Variants in BSPRY observed in about 807,000 individuals in gnomAD.
The protein encoded by BSPRY is B-box and SPRY domain containing.
In BSPRY, 33 loss-of-function variants were observed where a neutral mutation model predicts 38.0. That is an observed-to-expected ratio of 0.87 (90% CI 0.66 to 1.16). The LOEUF (loss-of-function observed/expected upper bound fraction) is 1.16, where lower values mean the gene tolerates loss of function less well. Among genes scored for constraint, BSPRY ranks in the 50% most tolerant of loss-of-function variants. The pLI, the probability that BSPRY is intolerant of heterozygous loss-of-function variation, is 0.00. For synonymous variants in BSPRY, 224 were observed against 228.5 expected (o/e 0.98, Z 0.18); for missense variants, 523 against 533.2 (o/e 0.98, Z 0.19).
intron 1 of BSPRY, among the ~76,000 whole-genome samples, chr9:113,352,081 G>T (rs1315653830): frequency 6.6e-6 from 1 of 152,166 alleles, no homozygotes; most frequent in African/African-American, 2.4e-5. Flanking sequence ...AAAGTGTTGG[G>T]ATTACAGGTG....
Position 113,369,745 on chromosome 9 carries a change from A to AG in BSPRY, c.812_813insG (p.His271GlnfsTer29). 6.2e-7 allele frequency: 1 copy of AG among 1,614,246 alleles called. No individual in the cohort carries two copies. The highest frequency in any genetic ancestry group is 1.1e-5 in the South Asian group (1 of 91,084). ...GCAGATGGCCCGGAGCGCTTCGACC[A>AG]CTGGCCCAATGCCCTGGCTGCCACC... On this transcript the variant is annotated frameshift_variant, in exon 6 of 6. Transcript: ENST00000374183. LOFTEE classifies it high-confidence loss of function.
At chr9:113,362,328 G>T in intron 3 of BSPRY, 41 bp from the exon 4 acceptor site, 1 of 1,613,358 alleles carries the variant, frequency 6.2e-7, no homozygotes, top group Non-Finnish European at 8.5e-7. Context: ...TCCCTGCTGG[G>T]TATCTGGTGC....
intron 5 of BSPRY, 96 bp from the exon 6 acceptor site, chr9:113,369,519 AC>A: frequency 7.7e-7 from 1 of 1,297,582 alleles, no homozygotes; most frequent in Non-Finnish European, 1.1e-6. Context: ...ATATGAGGTC[AC>A]CATGCTAGTG....
At chr9:113,362,179 GTGT>G (rs1834165689) in intron 3 of BSPRY, among the ~76,000 whole-genome samples, 187 bp from the exon 4 acceptor site, 5 of 92,690 alleles carry the variant, frequency 5.4e-5, no homozygotes, top group East Asian at 3.3e-4. Flanking sequence ...TTATGGGTGT[GTGT>G]GTGTGTGTGT....
At chr9:113,366,714 C>T (rs946907170) in intron 4 of BSPRY, among the ~76,000 whole-genome samples, 1 of 152,240 alleles carries the variant, frequency 6.6e-6, no homozygotes, top group African/African-American at 2.4e-5. Context: ...GGCGGGAGCT[C>T]CTGCGTTCTG....
intron 1 of BSPRY, among the ~76,000 whole-genome samples, chr9:113,352,763 G>C (rs189630117): frequency 6.6e-6 from 1 of 152,262 alleles, no homozygotes; most frequent in East Asian, 1.9e-4. Context: ...CTGGCTAGCT[G>C]GGGGGTTGGG....
At chr9:113,361,847 G>A (rs1488415101) in intron 3 of BSPRY, among the ~76,000 whole-genome samples, 6 of 152,212 alleles carry the variant, frequency 3.9e-5, no homozygotes, top group Admixed American at 3.9e-4. Flanking sequence ...GTTTTGAGGG[G>A]AGAAGGTGGC....
In BSPRY at chr9:113,360,642, C is replaced by T; in HGVS notation, c.436C>T (p.Gln146Ter). The T allele has an allele frequency of 6.2e-7, 1 of 1,609,362 alleles. No individual in the cohort carries two copies. The highest frequency in any genetic ancestry group is 8.5e-7 in the Non-Finnish European group (1 of 1,178,878). Residue 146 changes from glutamine to a stop codon, truncating the protein, a stop_gained, in exon 3 of 6, where the codon CAG (glutamine) becomes TAG (stop). Transcript: ENST00000374183. LOFTEE classifies it high-confidence loss of function. Reference sequence around the variant, plus strand: ...GCGGGCCCACCAGAGCATCCTGACACAGCGGGTGCACTGGGCCGAGGCGCT... The same window carrying T: ...GCGGGCCCACCAGAGCATCCTGACATAGCGGGTGCACTGGGCCGAGGCGCT... ...EERAHQSILT[Q>*]RVHWAEALQK...
rs1435479717 is a variant in BSPRY, at chr9:113,357,854, A to G, written c.301-2653A>G. Among the ~76,000 whole-genome samples the G allele has an allele frequency of 1.5e-4, 19 of 125,042 alleles. No homozygotes were observed. In the Admixed American group the frequency reaches 1.6e-3, roughly 11 times the overall value. 82.0% of individuals were successfully genotyped at this position (125,042 alleles called of 152,430 possible). A position where few individuals can be genotyped will look rare whatever the true frequency, so the allele number is the denominator to read the frequency against. On this transcript the variant is annotated intron_variant, in intron 2 of 5. Transcript: ENST00000374183. Reference sequence around the variant, plus strand: ...CTCCCAAACTGCTTGGATTACCAGCATGACCCGGTACTGTGCCTGGCCTGT... The same window carrying G: ...CTCCCAAACTGCTTGGATTACCAGCGTGACCCGGTACTGTGCCTGGCCTGT...
intron 2 of BSPRY, among the ~76,000 whole-genome samples, chr9:113,356,476 C>G (rs1834060687): frequency 6.6e-6 from 1 of 151,108 alleles, no homozygotes; most frequent in Non-Finnish European, 1.5e-5. Context: ...TGCACTGCAG[C>G]CTGGGCAACA....
Position 113,370,055 on chromosome 9 carries a change from A to G in BSPRY, c.1122A>G (p.Thr374=). ...ELLFYEPASG[T]VLCAHHVSFP... Reference sequence around the variant, plus strand: ...TCTTCTATGAGCCAGCCTCCGGCACAGTGCTCTGTGCCCATCATGTGTCCT... The same window carrying G: ...TCTTCTATGAGCCAGCCTCCGGCACGGTGCTCTGTGCCCATCATGTGTCCT... The change falls in exon 6 of 6, where the codon ACA becomes ACG. Residue 374 remains threonine (T), a synonymous_variant. Transcript: ENST00000374183. The surrounding 1 kb of genome is among the most constrained non-coding windows in gnomAD (Gnocchi z 4.8). 1 of 1,614,080 alleles carries G rather than the reference A, an allele frequency of 6.2e-7. No homozygotes were observed. Among genetic ancestry groups the G allele is most frequent in the South Asian group, 1.1e-5 (1 of 91,056 alleles).
At chr9:113,356,007 A>G (rs1834051881) in intron 2 of BSPRY, among the ~76,000 whole-genome samples, 1 of 152,204 alleles carries the variant, frequency 6.6e-6, no homozygotes, top group Non-Finnish European at 1.5e-5. Flanking sequence ...TGTGCCAGAT[A>G]CTGTTGTTCA....
At chr9:113,365,084 T>C (rs1447150604) in intron 4 of BSPRY, among the ~76,000 whole-genome samples, 1 of 152,210 alleles carries the variant, frequency 6.6e-6, no homozygotes, top group African/African-American at 2.4e-5. Flanking sequence ...ATAAGTGATC[T>C]GTCTTCAGTT....
In BSPRY at chr9:113,370,870, GA is replaced by G. The variant is rs1485732991; in HGVS notation, c.*732del. ...TCTTTTTCATGACATGGCACATAGA[GA>G]AAATATTTTTTTCTAGCACACAAGA... On this transcript the variant is annotated 3_prime_UTR_variant, in exon 6 of 6. Transcript: ENST00000374183. This position sits in a 1 kb window ranked among gnomAD's most constrained non-coding sequence, Gnocchi z 4.8. 2.0e-5 allele frequency: 3 copies of G among 152,236 alleles called. No individual in the cohort carries two copies. Among genetic ancestry groups the G allele is most frequent in the African/African-American group, 7.2e-5 (3 of 41,470 alleles). 9.4% of individuals were successfully genotyped at this position (152,236 alleles called of 1,614,324 possible). A position where few individuals can be genotyped will look rare whatever the true frequency, so the allele number is the denominator to read the frequency against.
Position 113,349,727 on chromosome 9 carries a change from C to T in BSPRY, c.148C>T (p.Arg50Cys), listed in dbSNP as rs1833939603. 2.5e-5 allele frequency: 31 copies of T among 1,239,930 alleles called. No homozygotes were observed. Among genetic ancestry groups the T allele is most frequent in the East Asian group, 3.3e-5 (1 of 30,574 alleles). 76.8% of individuals were successfully genotyped at this position (1,239,930 alleles called of 1,614,324 possible). A position where few individuals can be genotyped will look rare whatever the true frequency, so the allele number is the denominator to read the frequency against. The change falls in exon 1 of 6, where the codon CGC becomes TGC. Residue 50 changes from arginine to cysteine, a missense_variant. Arg to Cys is a radical substitution (Grantham distance 180, BLOSUM62 -3). Coordinates refer to ENST00000374183, the MANE Select transcript of BSPRY (RefSeq NM_017688.3). ...VCAACAGLGG[R>C]CRGHRIRRAE... ...CGCCGCCTGCGCGGGGTTGGGCGGT[C>T]GCTGCCGGGGGCACCGCATCCGCCG...
intron 4 of BSPRY, 78 bp downstream of exon 4, chr9:113,362,472 T>C (rs1395948704): frequency 6.8e-7 from 1 of 1,472,834 alleles, no homozygotes; most frequent in African/African-American, 1.4e-5. Flanking sequence ...CCTTCAGCCC[T>C]GCTGCTCTTG....
intron 1 of BSPRY, among the ~76,000 whole-genome samples, chr9:113,351,039 G>T (rs1001258147): frequency 6.6e-6 from 1 of 152,176 alleles, no homozygotes; most frequent in East Asian, 1.9e-4. Flanking sequence ...CATTGACTAG[G>T]CAAGAGGAAA....
chr9:113,369,862 A>G lies in BSPRY; in HGVS notation c.929A>G (p.Lys310Arg), dbSNP rs1349865167. 2 of 1,614,240 alleles carry G rather than the reference A, an allele frequency of 1.2e-6. No homozygotes were observed. Among genetic ancestry groups the G allele is most frequent in the South Asian group, 1.1e-5 (1 of 91,090 alleles). The change falls in exon 6 of 6, where the codon AAG becomes AGG. Residue 310 changes from lysine to arginine, a missense_variant. Lys to Arg is a conservative substitution (Grantham distance 26). Transcript: ENST00000374183. ...VGVASGHLPR[K>R]GSGSDCRLGH... The stretch of plus-strand genomic sequence containing the variant: ...GTGGCTTCAGGCCACCTGCCCCGCA[A>G]GGGTTCTGGCAGTGACTGCCGTCTG...
chr9:113,360,456 T>C, intron 2 of BSPRY, 51 bp from the exon 3 acceptor site: 4 of 1,533,844 alleles, frequency 2.6e-6, no homozygotes, highest in Non-Finnish European at 3.5e-6. Flanking sequence ...TCTTAAATCC[T>C]GACCGGGGCT....
Sources: allele counts gnomAD v4.1 joint callset (sites outside exome capture counted in the v4.1 genomes callset), GRCh38; gene constraint gnomAD v4.1.1; non-coding constraint Gnocchi (gnomAD v3.1); transcripts MANE v1.5; gene names NCBI Gene and HGNC (gene_info 2026-07-23, HGNC 2026-07-21).